ADAMTS9: variants seen among roughly 807,000 people sequenced by gnomAD.
ADAMTS9 encodes the protein ADAM metallopeptidase with thrombospondin type 1 motif 9, also known as A disintegrin and metalloproteinase with thrombospondin motifs 9.
In ADAMTS9, 107 loss-of-function variants were observed where a neutral mutation model predicts 257.1. The ratio of observed to expected loss-of-function variants is 0.42; its 90% CI spans 0.36 to 0.49. The LOEUF (loss-of-function observed/expected upper bound fraction) is 0.49, where lower values mean the gene tolerates loss of function less well. Among genes scored for constraint, ADAMTS9 ranks in the 20% least tolerant of loss-of-function variants. The probability of loss-of-function intolerance (pLI) is 0.03; values close to 1 mark genes in which losing one functional copy is unlikely to be tolerated. For synonymous variants in ADAMTS9, 982 were observed against 880.9 expected, an observed-to-expected ratio of 1.11 and a Z score of -2.03; for missense variants, 2,353 against 2,469.1, an observed-to-expected ratio of 0.95 and a Z score of 1.00.
intron 23 of ADAMTS9, among the ~76,000 whole-genome samples, chr3:64,605,385 A>G (rs968482543): frequency 6.6e-6 from 1 of 151,896 alleles, no homozygotes; most frequent in Non-Finnish European, 1.5e-5. Context: ...ATAAAATAAT[A>G]TATTTTTTAT....
chr3:64,627,927 T>C (rs1700266869), intron 16 of ADAMTS9, among the ~76,000 whole-genome samples: 1 of 152,178 alleles, frequency 6.6e-6, no homozygotes. Context: ...GTGCTGCATC[T>C]TCCATCAAGC....
At chr3:64,573,426 C>T (rs930945509) in intron 28 of ADAMTS9, among the ~76,000 whole-genome samples, 3 of 152,140 alleles carry the variant, frequency 2.0e-5, no homozygotes, top group African/African-American at 4.8e-5. Flanking sequence ...ATGTCATATA[C>T]GAGAACCTAT....
At chr3:64,550,680 T>TA (rs2083258768) in intron 31 of ADAMTS9, 1 of 589,322 alleles carries the variant, frequency 1.7e-6, no homozygotes, top group African/African-American at 1.9e-5. Flanking sequence ...TGAAGGGACT[T>TA]AGAGACCATC....
At chr3:64,679,390 C>G (rs1701699629) in intron 3 of ADAMTS9, among the ~76,000 whole-genome samples, 1 of 152,152 alleles carries the variant, frequency 6.6e-6, no homozygotes, top group Non-Finnish European at 1.5e-5. Flanking sequence ...CTTGGGCAAA[C>G]TACTTCATCT....
rs2082782922 is a variant in ADAMTS9, at chr3:64,516,982, T to G, written c.*145A>C. The G allele has an allele frequency of 6.6e-6, 1 of 152,400 alleles. No homozygotes were observed. The highest frequency in any genetic ancestry group is 1.5e-5 in the Non-Finnish European group (1 of 68,022). The allele number at this position is 152,400 out of a possible 1,614,324, so 9.4% of individuals were successfully genotyped here. Reference sequence around the variant, plus strand: ...ATATGTATGTGTAGATATGTATATATGTATATGTACACACATTTACACACA... The same window carrying G: ...ATATGTATGTGTAGATATGTATATAGGTATATGTACACACATTTACACACA... On this transcript the variant is annotated 3_prime_UTR_variant, in exon 40 of 40. Transcript: ENST00000498707.
At chr3:64,611,908 A>T (rs1283118814) in intron 22 of ADAMTS9, among the ~76,000 whole-genome samples, 1 of 152,226 alleles carries the variant, frequency 6.6e-6, no homozygotes, top group Non-Finnish European at 1.5e-5. Flanking sequence ...CATTAAGAAT[A>T]TGCTAAATGC....
chr3:64,664,650 C>T (rs72892816), intron 3 of ADAMTS9, among the ~76,000 whole-genome samples: 11,067 of 152,150 alleles, frequency 0.073, 1,309 homozygotes, highest in African/African-American at 0.25. Context: ...ATGGATATAC[C>T]ACATAATGTT....
Position 64,654,370 on chromosome 3 carries a change from G to C in ADAMTS9, c.1299C>G (p.Ala433=), listed in dbSNP as rs1268860148. The C allele has an allele frequency of 6.2e-7, 1 of 1,613,864 alleles. No homozygotes were observed. The highest frequency in any genetic ancestry group is 8.5e-7 in the Non-Finnish European group (1 of 1,179,884). ...DSGLSTAFTI[A]HELGHVFNMP... is the part of the protein sequence containing the mutation. ...TAACTCACACATGGCCCAGCTCATG[G>C]GCGATCGTAAAAGCTGTACTCAATC... The change falls in exon 8 of 40, where the codon GCC becomes GCG. Residue 433 remains alanine (A), a synonymous_variant. Transcript: ENST00000498707.
At chr3:64,539,626 G>A (rs947624883) in intron 36 of ADAMTS9, among the ~76,000 whole-genome samples, 8 of 152,170 alleles carry the variant, frequency 5.3e-5, no homozygotes, top group Admixed American at 2.0e-4. Context: ...TCACTTAAAT[G>A]TAGCGTAATT....
intron 3 of ADAMTS9, among the ~76,000 whole-genome samples, chr3:64,672,787 A>G (rs1440798846): frequency 6.6e-6 from 1 of 152,204 alleles, no homozygotes; most frequent in African/African-American, 2.4e-5. Flanking sequence ...CTAATTGCAA[A>G]CTGGCCCTTC....
At chr3:64,589,187 A>T (rs1357650386) in intron 28 of ADAMTS9, 1 of 152,202 alleles carries the variant, frequency 6.6e-6, no homozygotes, top group Non-Finnish European at 1.5e-5. Context: ...GCCATTCCCT[A>T]AACAACAGTT....
At chr3:64,553,553 T>C (rs2083295571) in intron 30 of ADAMTS9, among the ~76,000 whole-genome samples, 1 of 152,278 alleles carries the variant, frequency 6.6e-6, no homozygotes, top group East Asian at 1.9e-4. Context: ...CTTTTGGGTA[T>C]ATATACCTGG....
At chr3:64,578,464 A>T (rs1431451971) in intron 28 of ADAMTS9, among the ~76,000 whole-genome samples, 1 of 152,214 alleles carries the variant, frequency 6.6e-6, no homozygotes, top group Admixed American at 6.5e-5. Flanking sequence ...AGATGTATTC[A>T]GATGGAAATC....
intron 19 of ADAMTS9, among the ~76,000 whole-genome samples, chr3:64,620,373 G>A (rs770148860): frequency 6.6e-6 from 1 of 152,178 alleles, no homozygotes; most frequent in East Asian, 1.9e-4. Context: ...TATAAATGGT[G>A]AGACCTTAAC....
At chr3:64,679,159 T>A (rs1235548324) in intron 3 of ADAMTS9, among the ~76,000 whole-genome samples, 2 of 152,208 alleles carry the variant, frequency 1.3e-5, no homozygotes, top group African/African-American at 4.8e-5. Flanking sequence ...TTAACAGGAT[T>A]TGACAATGAC....
At position 64,554,196 on chromosome 3, in the gene ADAMTS9, T is replaced by C. The variant is rs76349694; in HGVS notation, c.4699-3134A>G. Reference sequence around the variant, plus strand: ...AATACAATGAATCCTAAATACTTTATGCTTGTTAAGCGTTTCTCTCTCAGT... The same window carrying C: ...AATACAATGAATCCTAAATACTTTACGCTTGTTAAGCGTTTCTCTCTCAGT... On this transcript the variant is annotated intron_variant, in intron 30 of 39. Coordinates refer to ENST00000498707, the MANE Select transcript of ADAMTS9 (RefSeq NM_182920.2). Among the ~76,000 whole-genome samples, 1,505 of 152,342 alleles carry C rather than the reference T, an allele frequency of 9.9e-3. 56 individuals are homozygous for C. The highest frequency in any genetic ancestry group is 0.079 in the East Asian group (410 of 5,176).
chr3:64,650,066 T>C (rs1327401717), intron 9 of ADAMTS9: 6 of 299,084 alleles, frequency 2.0e-5, no homozygotes, highest in Non-Finnish European at 3.1e-5. Context: ...TTTGACTATC[T>C]TTCCCAATAG....
rs749675900 is a variant in ADAMTS9 at position 64,616,038 on chromosome 3, G to T, written c.2946C>A (p.Ser982Arg). 6.8e-6 allele frequency: 11 copies of T among 1,613,890 alleles called. No homozygotes were observed. The highest frequency in any genetic ancestry group is 7.6e-6 in the Non-Finnish European group (9 of 1,179,980). Residue 982 changes from serine to arginine, a missense_variant, in exon 20 of 40, where the codon AGC (serine) becomes AGA (arginine). This residue lies in a region of ADAMTS9 where 1,402 missense variants were observed against 1,441.4 expected (regional missense o/e 0.97). Coordinates refer to ENST00000498707, the MANE Select transcript of ADAMTS9 (RefSeq NM_182920.2). ...TTTCACGGTTGCTTGGTTTGGGATG[G>T]CTGCTGCAAAAACCATCATCAACCT... ...TEKVDDGFCS[S>R]HPKPSNREKC...
intron 29 of ADAMTS9, chr3:64,562,841 T>C (rs1247635081): frequency 1.3e-5 from 2 of 152,236 alleles, no homozygotes; most frequent in Non-Finnish European, 1.5e-5. Context: ...AATGGAAATT[T>C]ACTATCAAGA....
Sources: allele counts gnomAD v4.1 joint callset (sites outside exome capture counted in the v4.1 genomes callset), GRCh38; gene constraint gnomAD v4.1.1; regional missense constraint gnomAD v4.1.1; transcripts MANE v1.5; gene names NCBI Gene and HGNC (gene_info 2026-07-23, HGNC 2026-07-21).